The following KCNN3 variants were observed in gnomAD, a reference collection of about 807,000 sequenced individuals.
The protein encoded by KCNN3 is potassium calcium-activated channel subfamily N member 3.
In KCNN3, 16 loss-of-function variants were observed where a neutral mutation model predicts 62.9. The observed-to-expected ratio is 0.25, with a 90% CI of 0.17 to 0.39. The LOEUF (loss-of-function observed/expected upper bound fraction) is 0.39, where lower values mean the gene tolerates loss of function less well. Among genes scored for constraint, KCNN3 ranks in the 10% least tolerant of loss-of-function variants. The probability of loss-of-function intolerance (pLI) is 1.00; values close to 1 mark genes in which losing one functional copy is unlikely to be tolerated. For synonymous variants in KCNN3, 370 were observed against 389.2 expected (o/e 0.95, Z 0.58); for missense variants, 599 against 949.4 (o/e 0.63, Z 4.85).
At chr1:154,760,035 G>T (rs1024205480) in intron 3 of KCNN3, among the ~76,000 whole-genome samples, 1 of 149,484 alleles carries the variant, frequency 6.7e-6, no homozygotes, top group Non-Finnish European at 1.5e-5. Context: ...TTTTTGAGAC[G>T]GAGTCTCACT....
chr1:154,788,662 A>T (rs1011237908), intron 2 of KCNN3, among the ~76,000 whole-genome samples: 5 of 152,172 alleles, frequency 3.3e-5, no homozygotes, highest in Non-Finnish European at 7.4e-5. Flanking sequence ...CACGGAGCAC[A>T]GCCCACGCCG....
At chr1:154,865,427 G>C (rs985822183) in intron 1 of KCNN3, among the ~76,000 whole-genome samples, 1 of 151,898 alleles carries the variant, frequency 6.6e-6, no homozygotes, top group Non-Finnish European at 1.5e-5. Context: ...GGCCATCTCA[G>C]GCATCTCTGC....
intron 2 of KCNN3, among the ~76,000 whole-genome samples, chr1:154,779,045 T>C (rs553120082): frequency 6.6e-5 from 10 of 152,054 alleles, no homozygotes; most frequent in Admixed American, 2.6e-4. Context: ...GGCCTCACTA[T>C]CCCTTTCACC....
At position 154,869,989 on chromosome 1, in the gene KCNN3, C is replaced by A. The variant is rs748876911; in HGVS notation, c.-25G>T. 4 of 1,606,524 alleles carry A rather than the reference C, an allele frequency of 2.5e-6. No homozygotes were observed. The highest frequency in any genetic ancestry group is 2.2e-5 in the East Asian group (1 of 44,714). On this transcript the variant is annotated 5_prime_UTR_variant, in exon 1 of 8. Coordinates refer to ENST00000271915, the MANE Select transcript of KCNN3 (RefSeq NM_002249.6). This position sits in a 1 kb window ranked among gnomAD's most constrained non-coding sequence, Gnocchi z 6.1. ...TCTTGGGGCCTGGCTGTATTCCCTG[C>A]AGCACAAGCCCCCACCCCAAAGCCA...
At position 154,869,202 on chromosome 1, in the gene KCNN3, A is replaced by AGGTGGTGCTGCTGGC. The variant is rs1243984703; in HGVS notation, c.748_762dup (p.Ala250_Thr254dup). Reference sequence around the variant, plus strand: ...TTTTTCCGCTTGTTGGCTTTGGGGAAGGTGGTGCTGCTGGCGGTGGTGCCG... The same window carrying AGGTGGTGCTGCTGGC: ...TTTTTCCGCTTGTTGGCTTTGGGGAAGGTGGTGCTGCTGGCGGTGGTGCTGCTGGCGGTGGTGCCG... On this transcript the variant is annotated inframe_insertion, in exon 1 of 8. Coordinates refer to ENST00000271915, the MANE Select transcript of KCNN3 (RefSeq NM_002249.6). This position sits in a 1 kb window ranked among gnomAD's most constrained non-coding sequence, Gnocchi z 6.1. 3 of 1,613,910 alleles carry AGGTGGTGCTGCTGGC rather than the reference A, an allele frequency of 1.9e-6. No individual in the cohort carries two copies. In the African/African-American group the frequency reaches 4.0e-5, roughly 22 times the overall value.
intron 1 of KCNN3, among the ~76,000 whole-genome samples, chr1:154,854,681 G>A (rs1029367110): frequency 6.6e-6 from 1 of 152,142 alleles, no homozygotes; most frequent in Admixed American, 6.6e-5. Context: ...CAATTATAAT[G>A]GAGCTGAAAA....
At position 154,704,585 on chromosome 1, in the gene KCNN3, G is replaced by A. The variant is rs1402679357; in HGVS notation, c.*3391C>T. 6.6e-6 allele frequency: 1 copy of A among 151,996 alleles called. No homozygotes were observed. The highest frequency in any genetic ancestry group is 1.5e-5 in the Non-Finnish European group (1 of 68,024). 9.4% of individuals were successfully genotyped at this position (151,996 alleles called of 1,614,324 possible). On this transcript the variant is annotated 3_prime_UTR_variant, in exon 8 of 8. Transcript: ENST00000271915. ...TGGCTTAAGCAATGGCAGGGGTGGG[G>A]GTGGTTCTGTATTTCTAATTCAAGT...
intron 4 of KCNN3, among the ~76,000 whole-genome samples, chr1:154,726,603 G>T (rs937147837): frequency 6.6e-6 from 1 of 152,160 alleles, no homozygotes; most frequent in Non-Finnish European, 1.5e-5. Context: ...GCACGAACAC[G>T]TGCACTCAGT....
rs75433139 is a variant in KCNN3, at chr1:154,718,695, A to G, written c.1702-3692T>C. 1.8e-3 allele frequency among the ~76,000 whole-genome samples: 273 copies of G among 152,362 alleles called. 1 individual carries two copies. The highest frequency in any genetic ancestry group is 6.2e-3 in the African/African-American group (257 of 41,580). On this transcript the variant is annotated intron_variant, in intron 5 of 7. Coordinates refer to ENST00000271915, the MANE Select transcript of KCNN3 (RefSeq NM_002249.6). ...CAATCCTGCGGAGAAGACGGTATGC[A>G]GTTTGTATGATAGCATCAGGTAACA...
chr1:154,734,923 G>A (rs746381250), intron 3 of KCNN3, among the ~76,000 whole-genome samples: 4 of 152,192 alleles, frequency 2.6e-5, no homozygotes, highest in South Asian at 2.1e-4. Context: ...AGCGACTGGC[G>A]TGTGTCTTGG....
intron 1 of KCNN3, among the ~76,000 whole-genome samples, chr1:154,829,951 C>T (rs548394736): frequency 6.6e-6 from 1 of 152,250 alleles, no homozygotes; most frequent in African/African-American, 2.4e-5. Flanking sequence ...TTCTCACACC[C>T]CCACCAGAGT....
At chr1:154,781,494 T>C (rs1413791091) in intron 2 of KCNN3, among the ~76,000 whole-genome samples, 1 of 152,224 alleles carries the variant, frequency 6.6e-6, no homozygotes, top group Non-Finnish European at 1.5e-5. Context: ...CTGTTGTAGT[T>C]GAAAGGGTAG....
intron 1 of KCNN3, among the ~76,000 whole-genome samples, chr1:154,852,525 T>C (rs1652347192): frequency 6.6e-6 from 1 of 152,160 alleles, no homozygotes; most frequent in Non-Finnish European, 1.5e-5. Flanking sequence ...GTCTGTTCTT[T>C]TAATTGTAAA....
intron 2 of KCNN3, among the ~76,000 whole-genome samples, chr1:154,804,149 C>A (rs1315519927): frequency 6.6e-6 from 1 of 152,204 alleles, no homozygotes; most frequent in African/African-American, 2.4e-5. Context: ...TGGCTGTTTT[C>A]TTGGAGAAAG....
chr1:154,810,884 C>T (rs1650378260), intron 2 of KCNN3, among the ~76,000 whole-genome samples: 1 of 152,252 alleles, frequency 6.6e-6, no homozygotes, highest in Admixed American at 6.5e-5. Context: ...GGCAACCTGG[C>T]TAGCTTTGGA....
intron 1 of KCNN3, among the ~76,000 whole-genome samples, chr1:154,839,185 G>A (rs1014288502): frequency 9.9e-5 from 15 of 152,164 alleles, no homozygotes; most frequent in African/African-American, 3.6e-4. Context: ...TGAAATGAGT[G>A]CATAACCACG....
chr1:154,769,404 G>A (rs1446729619), intron 3 of KCNN3, among the ~76,000 whole-genome samples: 1 of 152,208 alleles, frequency 6.6e-6, no homozygotes, highest in Non-Finnish European at 1.5e-5. Flanking sequence ...CTTGGTCTTA[G>A]CGGGGGCTTG....
At position 154,701,631 on chromosome 1, in the gene KCNN3, G is replaced by C. The variant is rs1020512619; in HGVS notation, c.*6345C>G. The C allele has an allele frequency of 6.6e-6, 1 of 152,168 alleles. No individual in the cohort carries two copies. Among genetic ancestry groups the C allele is most frequent in the Non-Finnish European group, 1.5e-5 (1 of 68,042 alleles). 9.4% of individuals were successfully genotyped at this position (152,168 alleles called of 1,614,324 possible). A position where few individuals can be genotyped will look rare whatever the true frequency, so the allele number is the denominator to read the frequency against. On this transcript the variant is annotated 3_prime_UTR_variant, in exon 8 of 8. Coordinates refer to ENST00000271915, the MANE Select transcript of KCNN3 (RefSeq NM_002249.6). ...AGGAAGCTAGCAGAAAAGGCAGCCC[G>C]GCTCTTTGCTGGCTCTGGCTGTTCA...
intron 2 of KCNN3, among the ~76,000 whole-genome samples, chr1:154,810,254 T>C (rs1007011170): frequency 2.6e-5 from 4 of 152,060 alleles, no homozygotes; most frequent in Non-Finnish European, 2.9e-5. Context: ...GCACAGTGTC[T>C]AAGGGAAAGA....
Sources: gnomAD v4.1 joint callset for allele counts (sites outside exome capture counted in the v4.1 genomes callset) on GRCh38, gnomAD v4.1.1 for gene constraint, Gnocchi (gnomAD v3.1) non-coding constraint, MANE v1.5 for transcripts, NCBI Gene and HGNC (gene_info 2026-07-23, HGNC 2026-07-21) for gene names.